LTBP1: variants seen among roughly 807,000 people sequenced by gnomAD.
LTBP1 encodes the protein latent-transforming growth factor beta-binding protein 1.
Under a neutral mutation model 207.6 loss-of-function variants are expected in LTBP1, and 129 were observed. The observed-to-expected ratio is 0.62, with a 90% confidence interval of 0.54 to 0.72. LTBP1 has a LOEUF of 0.72. LTBP1 is among the 30% of genes least tolerant of loss of function. The pLI, the probability that LTBP1 is intolerant of heterozygous loss-of-function variation, is 0.00. For synonymous variants in LTBP1, 963 were observed against 833.7 expected (o/e 1.16, Z -2.67); for missense variants, 2,281 against 2,217.2 (o/e 1.03, Z -0.58).
chr2:33,163,580 G>A (rs2084649897), intron 5 of LTBP1, among the ~76,000 whole-genome samples: 1 of 152,166 alleles, frequency 6.6e-6, no homozygotes, highest in Non-Finnish European at 1.5e-5. Context: ...TAGCAGAGTA[G>A]AGTGACTATA....
chr2:33,238,476 A>G (rs1242667185), intron 9 of LTBP1, among the ~76,000 whole-genome samples: 2 of 152,156 alleles, frequency 1.3e-5, no homozygotes, highest in African/African-American at 4.8e-5. Context: ...ATTCCCTGGC[A>G]TTTTCAGCCC....
intron 5 of LTBP1, among the ~76,000 whole-genome samples, chr2:33,138,890 G>T (rs534342578): frequency 1.0e-4 from 11 of 109,326 alleles, no homozygotes; most frequent in Non-Finnish European, 1.5e-4. Context: ...ACGGAGTCTC[G>T]CTCTGTCGCC....
At chr2:33,334,187 T>G (rs183691840) in intron 24 of LTBP1, among the ~76,000 whole-genome samples, 1 of 152,272 alleles carries the variant, frequency 6.6e-6, no homozygotes, top group East Asian at 1.9e-4. Flanking sequence ...CATGCGTAGA[T>G]AAGTCAAGAA....
intron 26 of LTBP1, among the ~76,000 whole-genome samples, chr2:33,352,970 CTTTTTTTTTTT>C (rs61357622): frequency 5.4e-5 from 5 of 93,214 alleles, no homozygotes; most frequent in East Asian, 3.2e-4. Flanking sequence ...GTAAGCCTTT[CTTTTTTTTTTT>C]TTTTTTTTTT....
chr2:33,165,286 AC>A (rs1369580732), intron 5 of LTBP1, among the ~76,000 whole-genome samples: 1 of 152,212 alleles, frequency 6.6e-6, no homozygotes, highest in African/African-American at 2.4e-5. Flanking sequence ...AATAGCTTGA[AC>A]TTGGACAAAG....
chr2:33,244,839 CT>C (rs1237262142), intron 10 of LTBP1, among the ~76,000 whole-genome samples: 1 of 150,390 alleles, frequency 6.6e-6, no homozygotes, highest in Non-Finnish European at 1.5e-5. Context: ...GTATTAGTTT[CT>C]TTCCTGCAAG....
intron 2 of LTBP1, among the ~76,000 whole-genome samples, chr2:32,974,917 C>T (rs555146355): frequency 6.6e-6 from 1 of 152,248 alleles, no homozygotes; most frequent in Non-Finnish European, 1.5e-5. Context: ...ATCCTGTCAC[C>T]ATGTTGTTAG....
Position 33,115,218 on chromosome 2 carries a change from G to A in LTBP1, c.1033+4467G>A, listed in dbSNP as rs541724144. Among the ~76,000 whole-genome samples the A allele has an allele frequency of 7.0e-4, 107 of 152,186 alleles. 1 individual carries two copies. Among genetic ancestry groups the A allele is most frequent in the African/African-American group, 2.5e-3 (104 of 41,514 alleles). ...CAACATGGATGAACTGTGAAAACAAGCCAAGTGAAAGATTCCAGACACAAA... is the reference window on the plus strand; with the variant it reads ...CAACATGGATGAACTGTGAAAACAAACCAAGTGAAAGATTCCAGACACAAA... On this transcript the variant is annotated intron_variant, in intron 4 of 33. Coordinates refer to ENST00000404816, the MANE Select transcript of LTBP1 (RefSeq NM_206943.4).
At chr2:33,383,167 A>G (rs1323227175) in intron 31 of LTBP1, among the ~76,000 whole-genome samples, 1 of 152,240 alleles carries the variant, frequency 6.6e-6, no homozygotes, top group Non-Finnish European at 1.5e-5. Flanking sequence ...CAGCCTGGCC[A>G]ACATACTGAA....
intron 25 of LTBP1, among the ~76,000 whole-genome samples, chr2:33,346,718 G>A (rs553937806): frequency 3.0e-4 from 45 of 151,662 alleles, no homozygotes; most frequent in Admixed American, 2.2e-3. Context: ...AGAGTGTTGC[G>A]TCATTTAAGA....
At position 33,134,450 on chromosome 2, in the gene LTBP1, C is replaced by T. The variant is rs755287342; in HGVS notation, c.1034-343C>T. 5 of 867,144 alleles carry T rather than the reference C, an allele frequency of 5.8e-6. No homozygotes were observed. The African/African-American group carries it at 8.5e-5, about 15-fold the overall frequency. 53.7% of individuals were successfully genotyped at this position (867,144 alleles called of 1,614,324 possible). On this transcript the variant is annotated intron_variant, in intron 4 of 33. Transcript: ENST00000404816. This position sits in a 1 kb window ranked among gnomAD's most constrained non-coding sequence, Gnocchi z 4.4. ...TGCCTGTCAGGGTTGGCTCTTTAAT[C>T]TGTCGTGCCCTCGGTATTGCTCTTT...
intron 5 of LTBP1, among the ~76,000 whole-genome samples, chr2:33,153,387 A>T (rs1286986541): frequency 2.6e-5 from 4 of 152,220 alleles, no homozygotes; most frequent in Non-Finnish European, 5.9e-5. Context: ...GGCCTGAAGG[A>T]AGCACAGCTT....
chr2:33,169,305 A>G (rs1305180752), intron 5 of LTBP1, among the ~76,000 whole-genome samples: 3 of 152,166 alleles, frequency 2.0e-5, no homozygotes, highest in Middle Eastern at 3.2e-3. Context: ...AAACTGCCAC[A>G]TTATATTTTT....
chr2:33,155,035 C>T (rs777249416), intron 5 of LTBP1, among the ~76,000 whole-genome samples: 2 of 152,218 alleles, frequency 1.3e-5, no homozygotes, highest in Middle Eastern at 3.4e-3. Flanking sequence ...TGCATTCCAG[C>T]CTGGGCTACA....
chr2:33,309,153 G>A (rs1219814750), intron 22 of LTBP1, among the ~76,000 whole-genome samples: 1 of 151,750 alleles, frequency 6.6e-6, no homozygotes, highest in Admixed American at 6.6e-5. Flanking sequence ...CGTGGTGGTG[G>A]GCGCCTATAA....
chr2:33,141,719 A>T (rs2082657224), intron 5 of LTBP1, among the ~76,000 whole-genome samples: 1 of 152,180 alleles, frequency 6.6e-6, no homozygotes, highest in African/African-American at 2.4e-5. Flanking sequence ...GTGAGGAAAC[A>T]TCGCTTACAT....
chr2:33,049,177 A>C (rs924739450), intron 3 of LTBP1, among the ~76,000 whole-genome samples: 1 of 152,242 alleles, frequency 6.6e-6, no homozygotes, highest in Non-Finnish European at 1.5e-5. Flanking sequence ...GTTACATGTT[A>C]ACTCATATTT....
intron 24 of LTBP1, among the ~76,000 whole-genome samples, chr2:33,318,604 T>A (rs555691857): frequency 6.6e-6 from 1 of 152,294 alleles, no homozygotes; most frequent in East Asian, 1.9e-4. Flanking sequence ...AATCCCAGAC[T>A]TAGATGTCAG....
At chr2:33,194,081 G>T (rs1245815433) in intron 7 of LTBP1, among the ~76,000 whole-genome samples, 2 of 152,064 alleles carry the variant, frequency 1.3e-5, no homozygotes, top group Non-Finnish European at 2.9e-5. Context: ...CTGCCTCCCG[G>T]GTTCACGCCA....
Sources: gnomAD v4.1 joint callset for allele counts (sites outside exome capture counted in the v4.1 genomes callset) on GRCh38, gnomAD v4.1.1 for gene constraint, Gnocchi (gnomAD v3.1) non-coding constraint, MANE v1.5 for transcripts, NCBI Gene and HGNC (gene_info 2026-07-23, HGNC 2026-07-21) for gene names.